HAO1: variants seen among roughly 807,000 people sequenced by gnomAD.
HAO1 encodes the protein 2-Hydroxyacid oxidase 1.
Under a neutral mutation model 39.7 loss-of-function variants are expected in HAO1, and 34 were observed. The ratio of observed to expected loss-of-function variants is 0.86; its 90% CI spans 0.65 to 1.14. The LOEUF is 1.14. Ranked by LOEUF, HAO1 falls within the 50% of genes most tolerant of loss-of-function variation. The probability of loss-of-function intolerance (pLI) is 0.00; values close to 1 mark genes in which losing one functional copy is unlikely to be tolerated. For synonymous variants in HAO1, 172 were observed against 173.2 expected (o/e 0.99, Z 0.05); for missense variants, 479 against 464.5 (o/e 1.03, Z -0.29).
intron 1 of HAO1, among the ~76,000 whole-genome samples, chr20:7,937,571 C>T (rs2050418723): frequency 6.6e-6 from 1 of 152,072 alleles, no homozygotes; most frequent in East Asian, 1.9e-4. Flanking sequence ...ATAGGTAACG[C>T]AGCAGAAAAG....
chr20:7,895,426 A>T (rs2050192559), intron 4 of HAO1, among the ~76,000 whole-genome samples: 1 of 152,174 alleles, frequency 6.6e-6, no homozygotes, highest in Non-Finnish European at 1.5e-5. Context: ...AAAAAATGTT[A>T]CTACTTACGG....
Position 7,885,577 on chromosome 20 carries a change from A to T in HAO1, c.986T>A (p.Val329Asp). 6.2e-7 allele frequency: 1 copy of T among 1,611,428 alleles called. No homozygotes were observed. Among genetic ancestry groups the T allele is most frequent in the Non-Finnish European group, 8.5e-7 (1 of 1,177,642 alleles). Residue 329 changes from valine (V) to aspartate (D), a missense_variant, in exon 7 of 8, where the codon GTT (valine) becomes GAT (aspartate). Physicochemically the swap from Val to Asp is radical, Grantham distance 152. Coordinates refer to ENST00000378789, the MANE Select transcript of HAO1 (RefSeq NM_017545.3). ...WGLAFQGEKGVQDVLEILKEE... is the reference protein window; with the variant it reads ...WGLAFQGEKGDQDVLEILKEE... Reference sequence around the variant, plus strand: ...CTTTAGTATCTCGAGGACATCTTGAACACCTTTCTCCCCCTAACCAAGTGA... The same window carrying T: ...CTTTAGTATCTCGAGGACATCTTGATCACCTTTCTCCCCCTAACCAAGTGA...
intron 3 of HAO1, among the ~76,000 whole-genome samples, chr20:7,907,349 A>G (rs980147212): frequency 4.6e-5 from 7 of 152,116 alleles, no homozygotes; most frequent in African/African-American, 1.4e-4. Flanking sequence ...GTTGAAGTGT[A>G]AATACCCCAG....
chr20:7,888,603 C>T (rs1009287040), intron 5 of HAO1, among the ~76,000 whole-genome samples: 5 of 152,186 alleles, frequency 3.3e-5, no homozygotes, highest in Admixed American at 6.6e-5. Context: ...CACTTCACCA[C>T]GCAGCCCTAA....
At chr20:7,917,544 G>C (rs2050312726) in intron 2 of HAO1, among the ~76,000 whole-genome samples, 1 of 152,068 alleles carries the variant, frequency 6.6e-6, no homozygotes, top group Admixed American at 6.6e-5. Context: ...ACATCCAAGA[G>C]AGTAGGTTTG....
chr20:7,923,768 G>A (rs746682348), intron 2 of HAO1, among the ~76,000 whole-genome samples: 1 of 152,094 alleles, frequency 6.6e-6, no homozygotes, highest in Non-Finnish European at 1.5e-5. Flanking sequence ...TCTGTAGTGC[G>A]ACCTAAGATC....
At position 7,935,016 on chromosome 20, in the gene HAO1, C is replaced by T. The variant is rs979958607; in HGVS notation, c.138-381G>A. Among the ~76,000 whole-genome samples the T allele has an allele frequency of 1.5e-3, 227 of 152,304 alleles. 1 individual carries two copies. The highest frequency in any genetic ancestry group is 4.9e-3 in the African/African-American group (204 of 41,572). On this transcript the variant is annotated intron_variant, in intron 1 of 7. Transcript: ENST00000378789. ...ATTTTCTTTTGCAGAGAAACTCTCC[C>T]CAGTTCAATCCCCTGACAACCACTG...
intron 5 of HAO1, among the ~76,000 whole-genome samples, 161 bp from the exon 6 acceptor site, chr20:7,886,025 G>T (rs1338949719): frequency 6.6e-6 from 1 of 152,118 alleles, no homozygotes; most frequent in Non-Finnish European, 1.5e-5. Flanking sequence ...AAGAAGAGAG[G>T]TACAAATGCT....
chr20:7,910,410 T>C (rs2050273526), intron 3 of HAO1, among the ~76,000 whole-genome samples: 1 of 152,180 alleles, frequency 6.6e-6, no homozygotes, highest in South Asian at 2.1e-4. Context: ...GAAGGTATTA[T>C]ATTACAGTTC....
In HAO1 at chr20:7,895,130, C is replaced by T; in HGVS notation, c.813+3G>A. ...GGAAATCTTAGCGTCTGCCAAAACT[C>T]ACAGTGGCTGGCACCCCATCGAGTT... On this transcript the variant is annotated splice_donor_region_variant and intron_variant, in intron 5 of 7. Coordinates refer to ENST00000378789, the MANE Select transcript of HAO1 (RefSeq NM_017545.3). 1 of 1,596,768 alleles carries T rather than the reference C, an allele frequency of 6.3e-7. No individual in the cohort carries two copies. The highest frequency in any genetic ancestry group is 2.2e-5 in the East Asian group (1 of 44,770).
intron 2 of HAO1, among the ~76,000 whole-genome samples, chr20:7,917,157 T>A (rs2050310581): frequency 6.6e-6 from 1 of 151,996 alleles, no homozygotes; most frequent in African/African-American, 2.4e-5. Context: ...CTGATCAACA[T>A]GATAAAACCC....
At chr20:7,928,993 G>C (rs2050374213) in intron 2 of HAO1, among the ~76,000 whole-genome samples, 1 of 152,100 alleles carries the variant, frequency 6.6e-6, no homozygotes, top group Non-Finnish European at 1.5e-5. Flanking sequence ...AGATGTGGCT[G>C]CCCCCTTCTG....
intron 4 of HAO1, among the ~76,000 whole-genome samples, chr20:7,895,588 G>A (rs566410012): frequency 1.4e-4 from 20 of 145,592 alleles, no homozygotes; most frequent in Admixed American, 1.1e-3. Context: ...CAACAATTTG[G>A]ATAGCCAAAA....
intron 1 of HAO1, among the ~76,000 whole-genome samples, chr20:7,936,309 T>C (rs895489817): frequency 2.6e-5 from 4 of 152,180 alleles, no homozygotes; most frequent in Middle Eastern, 3.2e-3. Flanking sequence ...ATCTCCATTT[T>C]GAAGGGGGAG....
chr20:7,888,416 G>A (rs1371927087), intron 5 of HAO1, among the ~76,000 whole-genome samples: 2 of 151,844 alleles, frequency 1.3e-5, no homozygotes, highest in Admixed American at 6.6e-5. Flanking sequence ...CTATTGCATC[G>A]GTTGTTATAC....
intron 1 of HAO1, among the ~76,000 whole-genome samples, chr20:7,937,512 C>A (rs933591516): frequency 2.0e-5 from 3 of 152,090 alleles, no homozygotes; most frequent in Non-Finnish European, 4.4e-5. Flanking sequence ...AATGACATCA[C>A]TTTTACCCAT....
rs545310688 is a variant in HAO1, at chr20:7,895,196, A to G, written c.750T>C (p.His250=). 11 of 1,612,128 alleles carry G rather than the reference A, an allele frequency of 6.8e-6. No individual in the cohort carries two copies. The South Asian group carries it at 1.1e-4, about 16-fold the overall frequency. The change falls in exon 5 of 8, where the codon CAT becomes CAC. Residue 250 remains histidine (H), a synonymous_variant. Transcript: ENST00000378789. ...TCGACACCAAGATCCCATTCAAGCC[A>G]TGTTTAACAGCCTCCCTGGCATCAT... ...RGDDAREAVK[H]GLNGILVSNH... is the part of the protein sequence containing the mutation.
intron 3 of HAO1, among the ~76,000 whole-genome samples, chr20:7,913,021 C>T (rs1013869947): frequency 6.6e-6 from 1 of 152,186 alleles, no homozygotes; most frequent in Non-Finnish European, 1.5e-5. Context: ...ACTCCACAGT[C>T]ACTGAAATAG....
intron 2 of HAO1, among the ~76,000 whole-genome samples, chr20:7,928,877 T>C (rs2050373300): frequency 6.6e-6 from 1 of 152,168 alleles, no homozygotes; most frequent in South Asian, 2.1e-4. Flanking sequence ...TTTGCCCACA[T>C]TTAAAAACCA....
Sources: allele counts gnomAD v4.1 joint callset (sites outside exome capture counted in the v4.1 genomes callset), GRCh38; gene constraint gnomAD v4.1.1; transcripts MANE v1.5; gene names NCBI Gene and HGNC (gene_info 2026-07-23, HGNC 2026-07-21).